Variants in PRDM2 observed in about 807,000 individuals in gnomAD.
PRDM2 encodes PR domain zinc finger protein 2.
Under a neutral mutation model 130.0 loss-of-function variants are expected in PRDM2, and 30 were observed. The ratio of observed to expected loss-of-function variants is 0.23; its 90% CI spans 0.17 to 0.31. The LOEUF (loss-of-function observed/expected upper bound fraction) is 0.31, where lower values mean the gene tolerates loss of function less well. Ranked by LOEUF, PRDM2 falls within the 10% of genes least tolerant of loss-of-function variation. PRDM2 has a pLI of 1.00. For synonymous variants in PRDM2, 871 were observed against 782.4 expected (o/e 1.11, Z -1.89); for missense variants, 2,011 against 2,108.4 (o/e 0.95, Z 0.90).
At chr1:13,714,759 A>G (rs116810998) in intron 1 of PRDM2, among the ~76,000 whole-genome samples, 2,739 of 152,310 alleles carry the variant, frequency 0.018, 63 homozygotes, top group South Asian at 0.12. Context: ...GCCTAATGGT[A>G]TGTGTATGTA....
chr1:13,703,922 T>C (rs1055100654), intron 1 of PRDM2, among the ~76,000 whole-genome samples: 4 of 152,220 alleles, frequency 2.6e-5, no homozygotes, highest in African/African-American at 9.7e-5. Context: ...AGGCTTACTT[T>C]TGAAGTGCTT....
chr1:13,800,726 C>T (rs1415357587), intron 8 of PRDM2, among the ~76,000 whole-genome samples: 1 of 152,148 alleles, frequency 6.6e-6, no homozygotes, highest in East Asian at 1.9e-4. Context: ...TTAAGAAATG[C>T]TTAAATGTAC....
rs200292612 is a variant in PRDM2 at position 13,749,473 on chromosome 1, C to T, written c.497C>T (p.Pro166Leu). ...RASARSKRSS[P>L]KSRKGKKKSQ... ...AGCGCCCGGAGCAAGCGGAGCTCCC[C>T]CAAGAGCCGGAAAGGTAGGAGCCCC... Residue 166 changes from proline (P) to leucine (L), a missense_variant, in exon 6 of 10, where the codon CCC becomes CTC. Pro to Leu is a moderately conservative substitution (Grantham distance 98). Coordinates refer to ENST00000311066, the MANE Select transcript of PRDM2 (RefSeq NM_001393986.1). The T allele has an allele frequency of 6.1e-6, 9 of 1,476,018 alleles. No homozygotes were observed. The highest frequency in any genetic ancestry group is 3.8e-5 in the Admixed American group (2 of 52,584). 91.4% of individuals were successfully genotyped at this position (1,476,018 alleles called of 1,614,324 possible).
At chr1:13,711,385 G>GAATACCT (rs59155359) in intron 1 of PRDM2, among the ~76,000 whole-genome samples, 1 of 152,008 alleles carries the variant, frequency 6.6e-6, no homozygotes. Context: ...AGTTGCTTTA[G>GAATACCT]TATTCTATTG....
rs896978177 is a variant in PRDM2, at chr1:13,806,238, G to A, written c.5037-10189G>A. Among the ~76,000 whole-genome samples, 3 of 139,912 alleles carry A rather than the reference G, an allele frequency of 2.1e-5. No individual in the cohort carries two copies. Among genetic ancestry groups the A allele is most frequent in the Non-Finnish European group, 3.1e-5 (2 of 65,478 alleles). The allele number at this position is 139,912 out of a possible 152,430, so 91.8% of individuals were successfully genotyped here. ...ATTACCAGCTGCTCCCCCGCATCCC[G>A]CCTCCATCCCTGGGCTCTGTCCCCC... On this transcript the variant is annotated intron_variant, in intron 8 of 9. Coordinates refer to ENST00000311066, the MANE Select transcript of PRDM2 (RefSeq NM_001393986.1). This position sits in a 1 kb window ranked among gnomAD's most constrained non-coding sequence, Gnocchi z 4.1.
chr1:13,783,171 A>G (rs1247679860), intron 8 of PRDM2: 4 of 536,674 alleles, frequency 7.5e-6, no homozygotes, highest in Non-Finnish European at 1.4e-5. Context: ...GCTCAGTGTC[A>G]TGTGTCTTAT....
At chr1:13,809,427 A>C (rs76457660) in intron 8 of PRDM2, among the ~76,000 whole-genome samples, 1 of 152,066 alleles carries the variant, frequency 6.6e-6, no homozygotes, top group Non-Finnish European at 1.5e-5. Flanking sequence ...AGCAGGAGAG[A>C]GTGACGGAGG....
At chr1:13,757,778 C>CTTTTTTTTTTT (rs34501705) in intron 6 of PRDM2, among the ~76,000 whole-genome samples, 2 of 105,890 alleles carry the variant, frequency 1.9e-5, no homozygotes, top group Non-Finnish European at 3.8e-5. Flanking sequence ...AGGTGGATAG[C>CTTTTTTTTTTT]TTTTTTTTTT....
Position 13,778,912 on chromosome 1 carries a change from CAG to C in PRDM2, c.1118_1119del (p.Gln373ArgfsTer3). On this transcript the variant is annotated frameshift_variant, in exon 8 of 10. Transcript: ENST00000311066. LOFTEE classifies it high-confidence loss of function. ...QHCERKFTTKQGLERHMHIHI... is the reference protein window; with the variant it reads ...QHCERKFTTKXGLERHMHIHI... ...TTGTGAAAGGAAGTTTACAACCAAA[CAG>C]GGGCTTGAGCGTCACATGCATATCC... is the stretch of plus-strand genomic sequence containing the variant. 1 of 1,614,226 alleles carries C rather than the reference CAG, an allele frequency of 6.2e-7. No individual in the cohort carries two copies. The highest frequency in any genetic ancestry group is 8.5e-7 in the Non-Finnish European group (1 of 1,180,048).
intron 6 of PRDM2, among the ~76,000 whole-genome samples, chr1:13,751,492 C>T (rs1002050200): frequency 2.0e-5 from 3 of 149,678 alleles, no homozygotes; most frequent in Non-Finnish European, 4.4e-5. Context: ...CAGTTAAAAC[C>T]AATTTATAGC....
At chr1:13,812,159 G>A (rs1048490804) in intron 8 of PRDM2, among the ~76,000 whole-genome samples, 7 of 152,108 alleles carry the variant, frequency 4.6e-5, no homozygotes, top group African/African-American at 1.7e-4. Flanking sequence ...GTGGTGGGGG[G>A]GAGGGTGCAG....
In PRDM2 at chr1:13,702,209, T is replaced by G. The variant is rs12058161; in HGVS notation, c.-66+1909T>G. On this transcript the variant is annotated intron_variant, in intron 1 of 9. Coordinates refer to ENST00000311066, the MANE Select transcript of PRDM2 (RefSeq NM_001393986.1). ...ATATTTATTTACATTTTATACAGGATTGATAATATAGTGTGTATATTGTTT... is the reference window on the plus strand; with the variant it reads ...ATATTTATTTACATTTTATACAGGAGTGATAATATAGTGTGTATATTGTTT... Among the ~76,000 whole-genome samples the G allele has an allele frequency of 8.7e-3, 1,328 of 152,318 alleles. 21 individuals carry two copies. The highest frequency in any genetic ancestry group is 0.03 in the African/African-American group (1,248 of 41,574).
intron 1 of PRDM2, among the ~76,000 whole-genome samples, chr1:13,703,536 T>C (rs1387644473): frequency 2.0e-5 from 3 of 152,242 alleles, no homozygotes; most frequent in African/African-American, 7.2e-5. Context: ...ACCTTTGGTT[T>C]TGTGACTTTA....
chr1:13,787,754 C>T, intron 8 of PRDM2: 1 of 983,658 alleles, frequency 1.0e-6, no homozygotes, highest in Non-Finnish European at 1.2e-6. Context: ...CTGTATTGAA[C>T]TTTGCTGTTA....
chr1:13,779,705 A>G lies in PRDM2; in HGVS notation c.1910A>G (p.Lys637Arg). The G allele has an allele frequency of 6.2e-7, 1 of 1,614,098 alleles. No individual in the cohort carries two copies. Among genetic ancestry groups the G allele is most frequent in the South Asian group, 1.1e-5 (1 of 91,062 alleles). ...TTGGGCAGCACAAATAGTGAGGCCA[A>G]GAAGCGGAGAACTGCGAGCCCACCT... is the stretch of plus-strand genomic sequence containing the variant. ...EPLGSTNSEA[K>R]KRRTASPPAL... Residue 637 changes from lysine (K) to arginine (R), a missense_variant, in exon 8 of 10, where the codon AAG becomes AGG. By Grantham distance (26) the Lys-to-Arg change is conservative (BLOSUM62 2). Coordinates refer to ENST00000311066, the MANE Select transcript of PRDM2 (RefSeq NM_001393986.1). The surrounding 1 kb of genome is among the most constrained non-coding windows in gnomAD (Gnocchi z 4.9).
Position 13,778,626 on chromosome 1 carries a change from T to TGTTCTTCATCCTCCTTCTTCTTCTGAA in PRDM2, c.832_833insTTCTTCATCCTCCTTCTTCTTCTGAAG (p.Asp277_Glu278insValLeuHisProProSerSerSerGlu), listed in dbSNP as rs1553160905. 1 of 1,610,330 alleles carries TGTTCTTCATCCTCCTTCTTCTTCTGAA rather than the reference T, an allele frequency of 6.2e-7. No homozygotes were observed. The highest frequency in any genetic ancestry group is 8.5e-7 in the Non-Finnish European group (1 of 1,177,514). ...AGGAGGAGGAGGAAGAGGAGGAGGA[T>TGTTCTTCATCCTCCTTCTTCTTCTGAA]GAAGAAGAAGAAGAAGATGATGATG... On this transcript the variant is annotated inframe_insertion, in exon 8 of 10. Transcript: ENST00000311066.
rs1192551880 is a variant in PRDM2 at position 13,823,234 on chromosome 1, G to A, written c.*99G>A. ...CTGCAGGGAGTACCGACCTATCCCAGTTGTGTGAGGCTGCGAGAGAAAGGG... is the reference window on the plus strand; with the variant it reads ...CTGCAGGGAGTACCGACCTATCCCAATTGTGTGAGGCTGCGAGAGAAAGGG... On this transcript the variant is annotated 3_prime_UTR_variant, in exon 10 of 10. Transcript: ENST00000311066. 6.3e-7 allele frequency: 1 copy of A among 1,593,726 alleles called. No homozygotes were observed.
chr1:13,705,204 A>G (rs898097936), intron 1 of PRDM2: 20 of 152,276 alleles, frequency 1.3e-4, no homozygotes, highest in African/African-American at 4.1e-4. Flanking sequence ...GTCTCTTACT[A>G]TTTGTAAAGT....
At chr1:13,730,392 T>A (rs1643064284) in intron 2 of PRDM2, among the ~76,000 whole-genome samples, 1 of 152,244 alleles carries the variant, frequency 6.6e-6, no homozygotes, top group South Asian at 2.1e-4. Context: ...CCTGGTGACT[T>A]TGCTGTTTAG....
Sources: allele counts gnomAD v4.1 joint callset (sites outside exome capture counted in the v4.1 genomes callset), GRCh38; gene constraint gnomAD v4.1.1; non-coding constraint Gnocchi (gnomAD v3.1); transcripts MANE v1.5; gene names NCBI Gene and HGNC (gene_info 2026-07-23, HGNC 2026-07-21).